Variants in ANKRD35 observed in about 807,000 individuals in gnomAD.
ANKRD35 encodes ankyrin repeat domain-containing protein 35.
A neutral mutation model predicts 109.9 loss-of-function variants in ANKRD35; 102 were observed. The ratio of observed to expected loss-of-function variants is 0.93; its 90% CI spans 0.79 to 1.09. ANKRD35 has a LOEUF of 1.09. Among genes scored for constraint, ANKRD35 ranks in the 50% least tolerant of loss-of-function variants. The pLI, the probability that ANKRD35 is intolerant of heterozygous loss-of-function variation, is 0.00. For missense variants in ANKRD35, 1,240 were observed against 1,230.1 expected, an observed-to-expected ratio of 1.01 and a Z score of -0.12; for synonymous variants, 515 against 512.4, an observed-to-expected ratio of 1.01 and a Z score of -0.07.
intron 1 of ANKRD35, among the ~76,000 whole-genome samples, chr1:145,881,837 C>A (rs1489226604): frequency 1.3e-5 from 2 of 152,012 alleles, no homozygotes; most frequent in African/African-American, 4.8e-5. Flanking sequence ...GCTCAGAATT[C>A]TCCAGCCAGG....
In ANKRD35 at chr1:145,868,012, A is replaced by G; in HGVS notation, c.2922T>C (p.Asn974=). 1 of 1,614,166 alleles carries G rather than the reference A, an allele frequency of 6.2e-7. No homozygotes were observed. Among genetic ancestry groups the G allele is most frequent in the Non-Finnish European group, 8.5e-7 (1 of 1,180,020 alleles). Residue 974 remains asparagine, a synonymous_variant, in exon 12 of 14, where the codon AAT becomes AAC. Transcript: ENST00000355594. ...TCACCCGAGCAGCATTCAGTAGATG[A>G]TTCCTGTAGGTGGAGATGATCTCTT... The part of the protein sequence containing the change: ...NHEEIISTYR[N]HLLNAARGYM...
intron 6 of ANKRD35, 151 bp downstream of exon 6, chr1:145,876,418 C>G (rs950549475): frequency 1.8e-6 from 2 of 1,121,072 alleles, no homozygotes; most frequent in Non-Finnish European, 2.6e-6. Context: ...GGCTTAACCT[C>G]TCTGTGAGGA....
Position 145,873,471 on chromosome 1 carries a change from G to T in ANKRD35, c.1298C>A (p.Ser433Tyr). ...EEQGPPQSPA[S>Y]ETIRKATGQQ... Reference sequence around the variant, plus strand: ...TCCTGTGGCTTTCCTGATGGTCTCAGACGCTGGGCTCTGGGGTGGCCCCTG... The same window carrying T: ...TCCTGTGGCTTTCCTGATGGTCTCATACGCTGGGCTCTGGGGTGGCCCCTG... Residue 433 changes from serine (S) to tyrosine (Y), a missense_variant, in exon 10 of 14, where the codon TCT becomes TAT. By Grantham distance (144) the Ser-to-Tyr change is moderately radical. Coordinates refer to ENST00000355594, the MANE Select transcript of ANKRD35 (RefSeq NM_144698.5). 6.2e-7 allele frequency: 1 copy of T among 1,614,010 alleles called. No individual in the cohort carries two copies. The highest frequency in any genetic ancestry group is 8.5e-7 in the Non-Finnish European group (1 of 1,179,970).
chr1:145,885,634 G>T (rs1451894224), intron 1 of ANKRD35, 86 bp downstream of exon 1: 2 of 1,432,060 alleles, frequency 1.4e-6, no homozygotes, highest in Non-Finnish European at 2.0e-6. Flanking sequence ...AAGAAAAGGC[G>T]ATGATGCATT....
intron 1 of ANKRD35, among the ~76,000 whole-genome samples, chr1:145,881,881 G>A (rs1553741140): frequency 2.0e-5 from 3 of 151,330 alleles, no homozygotes; most frequent in East Asian, 3.9e-4. Flanking sequence ...ACTAGCCAGC[G>A]AATAACAGCC....
Position 145,875,215 on chromosome 1 carries a change from G to A in ANKRD35, c.561-209C>T, listed in dbSNP as rs587632922. ...GGCTGGAGTGCAATGGCATGATCTC[G>A]GCTCACTGCAACCTCTGCCTCCCAG... On this transcript the variant is annotated intron_variant, in intron 7 of 13. Transcript: ENST00000355594. Among the ~76,000 whole-genome samples the A allele has an allele frequency of 4.6e-5, 7 of 151,536 alleles. No individual in the cohort carries two copies. The South Asian group carries it at 8.3e-4, about 18-fold the overall frequency.
chr1:145,873,771 A>G lies in ANKRD35; in HGVS notation c.998T>C (p.Leu333Pro), dbSNP rs782326861. The change falls in exon 10 of 14, where the codon CTT (leucine) becomes CCT (proline). Residue 333 changes from leucine to proline, a missense_variant. Transcript: ENST00000355594. ...CKTQAAAYLD[L>P]ENQIREQAQE... is the part of the protein sequence containing the mutation. Reference sequence around the variant, plus strand: ...CGCCTGCTCTCGAATCTGGTTCTCAAGGTCCAGATAGGCTGCAGCTTGAGT... The same window carrying G: ...CGCCTGCTCTCGAATCTGGTTCTCAGGGTCCAGATAGGCTGCAGCTTGAGT... The G allele has an allele frequency of 1.9e-6, 3 of 1,611,328 alleles. No individual in the cohort carries two copies. Among genetic ancestry groups the G allele is most frequent in the Admixed American group, 3.4e-5 (2 of 59,350 alleles).
chr1:145,867,219 T>C, intron 13 of ANKRD35, 68 bp downstream of exon 13: 1 of 1,113,212 alleles, frequency 9.0e-7, no homozygotes, highest in Non-Finnish European at 1.3e-6. Flanking sequence ...ACTAATTTCA[T>C]TCCATACACC....
chr1:145,877,834 T>C, intron 4 of ANKRD35, 134 bp downstream of exon 4: 1 of 800,718 alleles, frequency 1.2e-6, no homozygotes, highest in Non-Finnish European at 2.0e-6. Context: ...GGCAAACAAA[T>C]GATTATCAGC....
chr1:145,873,884 CGA>C lies in ANKRD35; in HGVS notation c.883_884del (p.Ser295GlyfsTer8), dbSNP rs1559174218. On this transcript the variant is annotated frameshift_variant, in exon 10 of 14. Coordinates refer to ENST00000355594, the MANE Select transcript of ANKRD35 (RefSeq NM_144698.5). LOFTEE classifies it high-confidence loss of function. ...CTTCATACTTCCACCTCCACTCCTC[CGA>C]GCACGGGTCTTCATCCTCCTTCTCC... ...QEEKEDEDPC[S>X]EEWRWKYEEE... The C allele has an allele frequency of 6.2e-7, 1 of 1,614,138 alleles. No individual in the cohort carries two copies. Among genetic ancestry groups the C allele is most frequent in the East Asian group, 2.2e-5 (1 of 44,886 alleles).
chr1:145,879,420 G>C (rs782362317), intron 1 of ANKRD35, 32 bp from the exon 2 acceptor site: 1 of 1,472,026 alleles, frequency 6.8e-7, no homozygotes, highest in South Asian at 1.4e-5. Flanking sequence ...TGTGAATATA[G>C]GGCATGAGGG....
intron 6 of ANKRD35, 54 bp from the exon 7 acceptor site, chr1:145,876,300 A>G (rs1654071674): frequency 1.4e-5 from 21 of 1,538,272 alleles, no homozygotes; most frequent in Non-Finnish European, 1.9e-5. Flanking sequence ...CAGAGGCTTG[A>G]CAATCCTACC....
In ANKRD35 at chr1:145,874,835, C is replaced by A. The variant is rs782026288; in HGVS notation, c.732G>T (p.Arg244=). ...AAGGGCCTTTACCGCCCCGCCGCCGCCGGCTCAGGGCCTGCTGTAGGTGCC... is the reference window on the plus strand; with the variant it reads ...AAGGGCCTTTACCGCCCCGCCGCCGACGGCTCAGGGCCTGCTGTAGGTGCC... The part of the protein sequence containing the change: ...LWRHLQQALS[R]RRRGGQRLVQ... The change falls in exon 8 of 14, where the codon CGG becomes CGT. Residue 244 remains arginine (R), a synonymous_variant. Transcript: ENST00000355594. 1 of 1,590,002 alleles carries A rather than the reference C, an allele frequency of 6.3e-7. No individual in the cohort carries two copies. Among genetic ancestry groups the A allele is most frequent in the South Asian group, 1.1e-5 (1 of 87,036 alleles).
rs79823395 is a variant in ANKRD35 at position 145,873,746 on chromosome 1, C to T, written c.1023G>A (p.Ala341=). 1.9e-3 allele frequency: 3,052 copies of T among 1,613,138 alleles called. 62 individuals are homozygous for T. In the African/African-American group the frequency reaches 0.037, roughly 19 times the overall value. The part of the protein sequence containing the change: ...LDLENQIREQ[A]QELGVLLSWE... ...AGGATAGGAGGACCCCTAGCTCCTG[C>T]GCCTGCTCTCGAATCTGGTTCTCAA... is the stretch of plus-strand genomic sequence containing the variant. The change falls in exon 10 of 14, where the codon GCG becomes GCA. Residue 341 remains alanine, a synonymous_variant. Transcript: ENST00000355594.
Position 145,881,008 on chromosome 1 carries a change from G to A in ANKRD35, c.40-1620C>T, listed in dbSNP as rs768476333. Among the ~76,000 whole-genome samples, 211 of 152,184 alleles carry A rather than the reference G, an allele frequency of 1.4e-3. 1 individual carries two copies. Among genetic ancestry groups the A allele is most frequent in the Non-Finnish European group, 2.0e-3 (133 of 68,034 alleles). Reference sequence around the variant, plus strand: ...TGGAATTAGAATCCAGGCCATGGCTGGGTGCGGTGGTTCACGCCTGCAATC... The same window carrying A: ...TGGAATTAGAATCCAGGCCATGGCTAGGTGCGGTGGTTCACGCCTGCAATC... On this transcript the variant is annotated intron_variant, in intron 1 of 13. Transcript: ENST00000355594.
chr1:145,871,999 G>A lies in ANKRD35; in HGVS notation c.2770C>T (p.Arg924Ter), dbSNP rs149753769. ...EKMEHLIGAC[R>*]DKEAKIKELL... ...CTGCTCACCTTGGCTTCCTTGTCTCGGCAAGCCCCAATGAGATGCTCCATC... is the reference window on the plus strand; with the variant it reads ...CTGCTCACCTTGGCTTCCTTGTCTCAGCAAGCCCCAATGAGATGCTCCATC... The change falls in exon 10 of 14, where the codon CGA becomes TGA. Residue 924 changes from arginine to a stop codon, truncating the protein, a stop_gained. Transcript: ENST00000355594. LOFTEE classifies it high-confidence loss of function. 1.1e-4 allele frequency: 184 copies of A among 1,611,398 alleles called. No individual in the cohort carries two copies. Among genetic ancestry groups the A allele is most frequent in the Middle Eastern group, 1.7e-4 (1 of 6,046 alleles).
intron 1 of ANKRD35, among the ~76,000 whole-genome samples, chr1:145,881,188 G>A (rs1654272056): frequency 6.6e-6 from 1 of 152,198 alleles, no homozygotes; most frequent in Non-Finnish European, 1.5e-5. Flanking sequence ...AGGAGACTGA[G>A]GCAGGAGAAT....
chr1:145,873,856 C>G lies in ANKRD35; in HGVS notation c.913G>C (p.Glu305Gln). 6.2e-7 allele frequency: 1 copy of G among 1,613,456 alleles called. No individual in the cohort carries two copies. Among genetic ancestry groups the G allele is most frequent in the Non-Finnish European group, 8.5e-7 (1 of 1,179,694 alleles). ...SEEWRWKYEE[E>Q]RRKVVRLEQE... is the part of the protein sequence containing the mutation. ...TCCAGCCGAACAACTTTCCTCCGCT[C>G]CTCTTCATACTTCCACCTCCACTCC... The change falls in exon 10 of 14, where the codon GAG (glutamate) becomes CAG (glutamine). Residue 305 changes from glutamate to glutamine, a missense_variant. Coordinates refer to ENST00000355594, the MANE Select transcript of ANKRD35 (RefSeq NM_144698.5).
chr1:145,869,692 C>T (rs1302405130), intron 10 of ANKRD35, among the ~76,000 whole-genome samples: 1 of 152,196 alleles, frequency 6.6e-6, no homozygotes, highest in East Asian at 1.9e-4. Flanking sequence ...TGGTCTCAAA[C>T]TCGTGGGCTC....
Sources: allele counts gnomAD v4.1 joint callset (sites outside exome capture counted in the v4.1 genomes callset), GRCh38; gene constraint gnomAD v4.1.1; transcripts MANE v1.5; gene names NCBI Gene and HGNC (gene_info 2026-07-23, HGNC 2026-07-21).